The following LOXHD1 variants were observed in gnomAD, a reference collection of about 807,000 sequenced individuals.
LOXHD1 encodes lipoxygenase homology PLAT domains 1, also known as lipoxygenase homology domain-containing protein 1.
LOXHD1 carries 205 observed loss-of-function variants against 248.2 expected under a neutral mutation model. That is an observed-to-expected ratio of 0.83 (90% CI 0.74 to 0.93). LOXHD1 has a LOEUF of 0.93. LOXHD1 is among the 40% of genes least tolerant of loss of function. The pLI is 0.00. For synonymous variants in LOXHD1, 1,113 were observed against 1,162.8 expected (o/e 0.96, Z 0.87); for missense variants, 2,930 against 2,971.6 (o/e 0.99, Z 0.33).
chr18:46,539,114 T>C (rs546980267), intron 25 of LOXHD1, among the ~76,000 whole-genome samples: 1 of 152,328 alleles, frequency 6.6e-6, no homozygotes, highest in South Asian at 2.1e-4. Context: ...TATGTCTCTA[T>C]GCATGGGTGG....
intron 4 of LOXHD1, among the ~76,000 whole-genome samples, chr18:46,639,209 C>T (rs2038931392): frequency 6.6e-6 from 1 of 152,208 alleles, no homozygotes; most frequent in Non-Finnish European, 1.5e-5. Context: ...TTCCTACCCA[C>T]TATGCCTTGG....
chr18:46,579,760 C>T lies in LOXHD1; in HGVS notation c.1679G>A (p.Cys560Tyr). 6.4e-7 allele frequency: 1 copy of T among 1,551,840 alleles called. No homozygotes were observed. The highest frequency in any genetic ancestry group is 1.2e-5 in the South Asian group (1 of 84,052). The change falls in exon 13 of 41, where the codon TGC (cysteine) becomes TAC (tyrosine). Residue 560 changes from cysteine to tyrosine, a missense_variant. Physicochemically the swap from Cys to Tyr is radical, Grantham distance 194 (BLOSUM62 -2). Transcript: ENST00000642948. The part of the protein sequence containing the change: ...MGMARYHVTV[C>Y]TGELEGAGTD... ...CCCAGCACCTTCAAGTTCACCTGTG[C>T]ACACAGTCACATGGTACCGGGCCAC...
chr18:46,588,893 G>A (rs1449459311), intron 12 of LOXHD1, among the ~76,000 whole-genome samples: 2 of 152,162 alleles, frequency 1.3e-5, no homozygotes, highest in Non-Finnish European at 2.9e-5. Context: ...CAAGGGTGAG[G>A]TGAAGTGTAC....
At chr18:46,550,904 T>C (rs1598981459) in intron 21 of LOXHD1, among the ~76,000 whole-genome samples, 1 of 152,234 alleles carries the variant, frequency 6.6e-6, no homozygotes, top group Admixed American at 6.5e-5. Context: ...GGGAGTATAT[T>C]TGTCTGTTCC....
rs939119272 is a variant in LOXHD1 at position 46,643,678 on chromosome 18, CA to C, written c.246-1643del. On this transcript the variant is annotated intron_variant, in intron 2 of 40. Coordinates refer to ENST00000642948, the MANE Select transcript of LOXHD1 (RefSeq NM_001384474.1). ...ACATCAGGATTATATAAATGGGAAA[CA>C]AAAAAAAAGGAATAAGAGGGCTTTT... Among the ~76,000 whole-genome samples, 26 of 148,918 alleles carry C rather than the reference CA, an allele frequency of 1.7e-4. No homozygotes were observed. In the East Asian group the frequency reaches 2.2e-3, roughly 12 times the overall value.
At chr18:46,638,360 G>A (rs775426936) in intron 4 of LOXHD1, among the ~76,000 whole-genome samples, 2 of 152,136 alleles carry the variant, frequency 1.3e-5, no homozygotes, top group Non-Finnish European at 2.9e-5. Flanking sequence ...GGCCGGGCAC[G>A]GTGGCTCATG....
chr18:46,545,516 G>T lies in LOXHD1; in HGVS notation c.3515-95C>A, dbSNP rs936271001. ...CCACCTCCTCTAGAAGGGCTTCCTT[G>T]ATTCACTCCCTCTACCCCATCACTC... On this transcript the variant is annotated intron_variant, in intron 22 of 40. Coordinates refer to ENST00000642948, the MANE Select transcript of LOXHD1 (RefSeq NM_001384474.1). 14 of 862,936 alleles carry T rather than the reference G, an allele frequency of 1.6e-5. No individual in the cohort carries two copies. In the Admixed American group the frequency reaches 2.2e-4, roughly 14 times the overall value. The allele number at this position is 862,936 out of a possible 1,614,324, so 53.5% of individuals were successfully genotyped here.
intron 5 of LOXHD1, 61 bp from the exon 6 acceptor site, chr18:46,610,985 CT>C (rs2038499654): frequency 2.0e-6 from 3 of 1,533,928 alleles, no homozygotes; most frequent in Non-Finnish European, 2.6e-6. Flanking sequence ...ATTTCCAAGC[CT>C]TCATGGTCCG....
chr18:46,534,293 A>G, intron 27 of LOXHD1, 42 bp downstream of exon 27: 6 of 1,437,792 alleles, frequency 4.2e-6, no homozygotes, highest in Non-Finnish European at 5.7e-6. Flanking sequence ...TGCTCTGGAA[A>G]GGGACAAAAG....
chr18:46,547,123 T>C (rs901518641), intron 21 of LOXHD1, 65 bp from the exon 22 acceptor site: 1 of 1,540,564 alleles, frequency 6.5e-7, no homozygotes, highest in African/African-American at 1.4e-5. Context: ...GGAGCAGTCA[T>C]GGGCTGAGAA....
intron 21 of LOXHD1, among the ~76,000 whole-genome samples, chr18:46,554,002 C>G (rs113754152): frequency 6.6e-6 from 1 of 152,154 alleles, no homozygotes; most frequent in Non-Finnish European, 1.5e-5. Context: ...AGCAGACCTG[C>G]GGGCTGAGCT....
chr18:46,496,827 A>G (rs866861369), intron 37 of LOXHD1, among the ~76,000 whole-genome samples: 3 of 149,314 alleles, frequency 2.0e-5, no homozygotes, highest in Non-Finnish European at 4.5e-5. Flanking sequence ...AAATGATGAA[A>G]CCCCGCCTCT....
intron 1 of LOXHD1, among the ~76,000 whole-genome samples, chr18:46,651,997 A>G (rs1378775403): frequency 1.3e-5 from 2 of 152,262 alleles, no homozygotes; most frequent in Non-Finnish European, 2.9e-5. Context: ...ACGCCCATCA[A>G]CAGGGGCATA....
intron 37 of LOXHD1, among the ~76,000 whole-genome samples, chr18:46,493,702 G>A (rs2033645175): frequency 6.6e-6 from 1 of 152,244 alleles, no homozygotes. Context: ...CTTAGAAACT[G>A]TGCAGTGTGA....
At chr18:46,504,336 G>A (rs1008442589) in intron 37 of LOXHD1, among the ~76,000 whole-genome samples, 2 of 152,100 alleles carry the variant, frequency 1.3e-5, no homozygotes, top group Admixed American at 1.3e-4. Flanking sequence ...AAATTCCTGG[G>A]CTCAAGTGAT....
At chr18:46,495,348 A>G in intron 37 of LOXHD1, among the ~76,000 whole-genome samples, 1 of 152,240 alleles carries the variant, frequency 6.6e-6, no homozygotes, top group East Asian at 1.9e-4. Flanking sequence ...TCCTCTATGA[A>G]CTATATTTTA....
chr18:46,487,757 C>T (rs1167502428), intron 38 of LOXHD1, among the ~76,000 whole-genome samples: 3 of 152,192 alleles, frequency 2.0e-5, no homozygotes, highest in Non-Finnish European at 4.4e-5. Flanking sequence ...AAAGTTGATA[C>T]ATGGGAGGAA....
chr18:46,478,118 A>C (rs1012712516), intron 40 of LOXHD1, among the ~76,000 whole-genome samples, 166 bp from the exon 41 acceptor site: 1 of 152,118 alleles, frequency 6.6e-6, no homozygotes, highest in Admixed American at 6.5e-5. Context: ...TTCTTGTTTA[A>C]CTTCAAATTC....
intron 4 of LOXHD1, among the ~76,000 whole-genome samples, chr18:46,618,818 G>A (rs8095962): frequency 0.012 from 1,794 of 152,276 alleles, 42 homozygotes; most frequent in East Asian, 0.072. Flanking sequence ...AAATTTATCT[G>A]TAAATTGTCA....
Sources: allele counts gnomAD v4.1 joint callset (sites outside exome capture counted in the v4.1 genomes callset), GRCh38; gene constraint gnomAD v4.1.1; transcripts MANE v1.5; gene names NCBI Gene and HGNC (gene_info 2026-07-23, HGNC 2026-07-21).